Variants in KIF17 observed in about 807,000 individuals in gnomAD.
KIF17 encodes kinesin-like protein KIF17.
In KIF17, 80 loss-of-function variants were observed where a neutral mutation model predicts 96.8. The ratio of observed to expected loss-of-function variants is 0.83; its 90% CI spans 0.69 to 1.00. The LOEUF (loss-of-function observed/expected upper bound fraction) is 1.00. Among genes scored for constraint, KIF17 ranks in the 50% least tolerant of loss-of-function variants. KIF17 has a pLI of 0.00. For synonymous variants in KIF17, 567 were observed against 587.5 expected, an observed-to-expected ratio of 0.97 and a Z score of 0.51; for missense variants, 1,280 against 1,372.9, an observed-to-expected ratio of 0.93 and a Z score of 1.07.
chr1:20,675,962 C>T (rs772804645), intron 11 of KIF17, among the ~76,000 whole-genome samples: 4 of 152,082 alleles, frequency 2.6e-5, no homozygotes, highest in Admixed American at 2.0e-4. Flanking sequence ...ATCACTTGAA[C>T]CCAGGAGATG....
intron 2 of KIF17, among the ~76,000 whole-genome samples, chr1:20,714,067 C>T (rs568556298): frequency 6.6e-6 from 1 of 152,268 alleles, no homozygotes; most frequent in East Asian, 1.9e-4. Flanking sequence ...GTGGCTCACG[C>T]CTGCAATCCC....
chr1:20,676,397 T>G (rs2053737379), intron 11 of KIF17, among the ~76,000 whole-genome samples: 1 of 152,186 alleles, frequency 6.6e-6, no homozygotes, highest in East Asian at 1.9e-4. Flanking sequence ...ATAAAGAGTT[T>G]CTACATGTAG....
At chr1:20,695,335 G>A (rs771201698) in intron 6 of KIF17, among the ~76,000 whole-genome samples, 7 of 152,232 alleles carry the variant, frequency 4.6e-5, no homozygotes, top group African/African-American at 1.4e-4. Flanking sequence ...TCACAGGCAC[G>A]TGCCATCACT....
intron 6 of KIF17, among the ~76,000 whole-genome samples, chr1:20,695,140 A>ACACACACACGCACACACACACG (rs1553151320): frequency 8.3e-6 from 1 of 119,994 alleles, no homozygotes; most frequent in Non-Finnish European, 1.7e-5. Context: ...ACACACACGC[A>ACACACACACGCACACACACACG]CACACACATG....
At chr1:20,698,736 T>A (rs1244295245) in intron 5 of KIF17, among the ~76,000 whole-genome samples, 7 of 152,154 alleles carry the variant, frequency 4.6e-5, no homozygotes, top group African/African-American at 1.7e-4. Context: ...ACGCTGAGTT[T>A]TCCACTGGGA....
intron 10 of KIF17, 96 bp from the exon 11 acceptor site, chr1:20,682,980 ATCCT>A: frequency 9.4e-7 from 1 of 1,064,172 alleles, no homozygotes; most frequent in Non-Finnish European, 1.4e-6. Flanking sequence ...GGCCCCCCAG[ATCCT>A]TCCAACAACC....
At chr1:20,670,351 C>T (rs773817216) in intron 13 of KIF17, 70 bp downstream of exon 13, 56 of 1,426,992 alleles carry the variant, frequency 3.9e-5, no homozygotes, top group Non-Finnish European at 5.0e-5. Flanking sequence ...CACAGTAACA[C>T]TGACCCACAG....
Position 20,704,092 on chromosome 1 carries a change from T to G in KIF17, c.1123+355A>C, listed in dbSNP as rs2054294687. 7.0e-6 allele frequency among the ~76,000 whole-genome samples: 1 copy of G among 142,152 alleles called. No homozygotes were observed. The highest frequency in any genetic ancestry group is 1.5e-5 in the Non-Finnish European group (1 of 66,314). 93.3% of individuals were successfully genotyped at this position (142,152 alleles called of 152,430 possible). A position where few individuals can be genotyped will look rare whatever the true frequency, so the allele number is the denominator to read the frequency against. ...TGGCCGTGGGGAGTGAGTTGCCAGC[T>G]GCTGAGCAGCGAACACGCATTGCGA... On this transcript the variant is annotated intron_variant, in intron 5 of 14. Transcript: ENST00000400463. The surrounding 1 kb of genome is among the most constrained non-coding windows in gnomAD (Gnocchi z 6.8).
At chr1:20,683,272 A>G (rs1012510813) in intron 10 of KIF17, among the ~76,000 whole-genome samples, 1 of 152,230 alleles carries the variant, frequency 6.6e-6, no homozygotes, top group Non-Finnish European at 1.5e-5. Flanking sequence ...AGCGCACAAT[A>G]TTTAATCAGG....
Position 20,687,983 on chromosome 1 carries a change from C to CTCTCATTCTGACCCTTTA in KIF17, c.1382-40_1382-39insTAAAGGGTCAGAATGAGA. On this transcript the variant is annotated intron_variant, in intron 7 of 14. Coordinates refer to ENST00000400463, the MANE Select transcript of KIF17 (RefSeq NM_001122819.3). This position sits in a 1 kb window ranked among gnomAD's most constrained non-coding sequence, Gnocchi z 4.4. ...AACTTCCTTCAGGTTTTTAAAGGGT[C>CTCTCATTCTGACCCTTTA]AGAATGAGAGACCCTTCCCTAGAAG... is the stretch of plus-strand genomic sequence containing the variant. The CTCTCATTCTGACCCTTTA allele has an allele frequency of 1.3e-6, 2 of 1,564,506 alleles. No homozygotes were observed. The highest frequency in any genetic ancestry group is 8.8e-7 in the Non-Finnish European group (1 of 1,135,888).
chr1:20,714,612 C>T (rs183135778), intron 2 of KIF17, among the ~76,000 whole-genome samples: 1 of 152,054 alleles, frequency 6.6e-6, no homozygotes, highest in African/African-American at 2.4e-5. Context: ...ACCTGGCCAA[C>T]ATGGCGAAAC....
intron 4 of KIF17, among the ~76,000 whole-genome samples, chr1:20,707,773 A>C (rs1381123339): frequency 7.3e-6 from 1 of 136,482 alleles, no homozygotes; most frequent in African/African-American, 3.0e-5. Flanking sequence ...AAAAAAAAAA[A>C]CAAACCAATG....
rs184993181 is a variant in KIF17 at position 20,666,137 on chromosome 1, T to G, written c.2908+77A>C. Reference sequence around the variant, plus strand: ...GGAAAGGAGTTTTTGAACCCAGGCCTGTCTGACTTCAAAACTATCCCCTTC... The same window carrying G: ...GGAAAGGAGTTTTTGAACCCAGGCCGGTCTGACTTCAAAACTATCCCCTTC... On this transcript the variant is annotated intron_variant, in intron 14 of 14. Transcript: ENST00000400463. 4 of 1,112,512 alleles carry G rather than the reference T, an allele frequency of 3.6e-6. No individual in the cohort carries two copies. The East Asian group carries it at 9.4e-5, about 26-fold the overall frequency. 68.9% of individuals were successfully genotyped at this position (1,112,512 alleles called of 1,614,324 possible). A position where few individuals can be genotyped will look rare whatever the true frequency, so the allele number is the denominator to read the frequency against.
intron 6 of KIF17, among the ~76,000 whole-genome samples, chr1:20,695,143 CACACAT>C (rs1297528471): frequency 1.3e-5 from 2 of 148,540 alleles, no homozygotes; most frequent in African/African-American, 4.9e-5. Flanking sequence ...CACACGCACA[CACACAT>C]GCATGTGCAC....
At position 20,687,650 on chromosome 1, in the gene KIF17, G is replaced by A. The variant is rs201867180; in HGVS notation, c.1676C>T (p.Pro559Leu). 532 of 1,614,206 alleles carry A rather than the reference G, an allele frequency of 3.3e-4. 5 individuals carry two copies. The highest frequency in any genetic ancestry group is 3.2e-3 in the South Asian group (290 of 91,088). ...VSEAFPGPEEPSNVEVSMPTE... is the reference protein window; with the variant it reads ...VSEAFPGPEELSNVEVSMPTE... ...GGGCATGGAGACCTCCACGTTGGAG[G>A]GCTCCTCAGGCCCAGGGAAAGCCTC... Residue 559 changes from proline to leucine, a missense_variant, in exon 8 of 15, where the codon CCC (proline) becomes CTC (leucine). Pro to Leu is a moderately conservative substitution (Grantham distance 98, BLOSUM62 -3). Coordinates refer to ENST00000400463, the MANE Select transcript of KIF17 (RefSeq NM_001122819.3). The surrounding 1 kb of genome is among the most constrained non-coding windows in gnomAD (Gnocchi z 4.4).
In KIF17 at chr1:20,690,269, G is replaced by T. The variant is rs965429035; in HGVS notation, c.1300C>A (p.Leu434Met). The change falls in exon 7 of 15, where the codon CTG (leucine) becomes ATG (methionine). Residue 434 changes from leucine (L) to methionine (M), a missense_variant. Leu to Met is a conservative substitution (Grantham distance 15). Coordinates refer to ENST00000400463, the MANE Select transcript of KIF17 (RefSeq NM_001122819.3). ...YKAEQESRARLEEDITAMRNS... is the reference protein window; with the variant it reads ...YKAEQESRARMEEDITAMRNS... ...CGCATGGCAGTGATGTCTTCCTCCA[G>T]CCTGGCCCGAGACTCCTGCTCGGCC... 1 of 1,599,878 alleles carries T rather than the reference G, an allele frequency of 6.3e-7. No homozygotes were observed. Among genetic ancestry groups the T allele is most frequent in the Non-Finnish European group, 8.5e-7 (1 of 1,175,428 alleles).
At chr1:20,683,621 C>A (rs574736227) in intron 10 of KIF17, among the ~76,000 whole-genome samples, 4 of 152,036 alleles carry the variant, frequency 2.6e-5, no homozygotes, top group Non-Finnish European at 4.4e-5. Flanking sequence ...CACCACTGCA[C>A]TCCAGCCTGA....
intron 14 of KIF17, among the ~76,000 whole-genome samples, chr1:20,665,872 C>A (rs1557578600): frequency 1.3e-5 from 2 of 152,178 alleles, no homozygotes; most frequent in Non-Finnish European, 2.9e-5. Flanking sequence ...TGGCGTGTGA[C>A]TCGCCAGGAA....
At chr1:20,666,399 T>C (rs1268658824) in intron 13 of KIF17, 68 bp from the exon 14 acceptor site, 10 of 1,301,984 alleles carry the variant, frequency 7.7e-6, no homozygotes, top group Middle Eastern at 2.1e-4. Flanking sequence ...CTCCACAGCC[T>C]CTGGTATCCT....
Sources: gnomAD v4.1 joint callset for allele counts (sites outside exome capture counted in the v4.1 genomes callset) on GRCh38, gnomAD v4.1.1 for gene constraint, Gnocchi (gnomAD v3.1) non-coding constraint, MANE v1.5 for transcripts, NCBI Gene and HGNC (gene_info 2026-07-23, HGNC 2026-07-21) for gene names.